VKORC1L1: variants seen among roughly 807,000 people sequenced by gnomAD.
The protein encoded by VKORC1L1 is vitamin K epoxide reductase complex subunit 1L1, also known as vitamin K epoxide reductase complex subunit 1-like protein 1.
Under a neutral mutation model 18.9 loss-of-function variants are expected in VKORC1L1, and 2 were observed. The ratio of observed to expected loss-of-function variants is 0.11; its 90% CI spans 0.04 to 0.33. The LOEUF is 0.33. Ranked by LOEUF, VKORC1L1 falls within the 10% of genes least tolerant of loss-of-function variation. The probability of loss-of-function intolerance (pLI) is 1.00; values close to 1 mark genes in which losing one functional copy is unlikely to be tolerated. For missense variants in VKORC1L1, 123 were observed against 224.1 expected (o/e 0.55, Z 2.88); for synonymous variants, 96 against 100.0 (o/e 0.96, Z 0.24).
At chr7:65,951,481 G>A (rs1175108144) in intron 2 of VKORC1L1, among the ~76,000 whole-genome samples, 1 of 151,942 alleles carries the variant, frequency 6.6e-6, no homozygotes, top group African/African-American at 2.4e-5. Context: ...GGCTGAGGCA[G>A]GAGAATTGTT....
intron 1 of VKORC1L1, among the ~76,000 whole-genome samples, chr7:65,909,644 A>G (rs1789466702): frequency 1.3e-5 from 2 of 150,436 alleles, no homozygotes; most frequent in African/African-American, 2.5e-5. Context: ...TTTGGTGATC[A>G]TCTGTCGAAA....
At chr7:65,927,609 A>T (rs1039806253) in intron 1 of VKORC1L1, among the ~76,000 whole-genome samples, 2 of 152,172 alleles carry the variant, frequency 1.3e-5, no homozygotes, top group Non-Finnish European at 2.9e-5. Flanking sequence ...CAAGCCATTT[A>T]TCCCCTCGTG....
chr7:65,880,573 G>A (rs1168829892), intron 1 of VKORC1L1, among the ~76,000 whole-genome samples: 1 of 152,168 alleles, frequency 6.6e-6, no homozygotes, highest in African/African-American at 2.4e-5. Context: ...TCGGAGGGAG[G>A]CCTTGTCGTG....
intron 1 of VKORC1L1, among the ~76,000 whole-genome samples, chr7:65,875,991 GA>G (rs1247245711): frequency 3.9e-5 from 6 of 152,174 alleles, no homozygotes; most frequent in Admixed American, 3.9e-4. Flanking sequence ...ATTAATGAGA[GA>G]ATCTTGAGAG....
At chr7:65,949,836 A>G (rs112694050) in intron 2 of VKORC1L1, among the ~76,000 whole-genome samples, 192 of 152,286 alleles carry the variant, frequency 1.3e-3, no homozygotes, top group African/African-American at 4.5e-3. Context: ...CGTTTATCCT[A>G]AGTGTTATTG....
chr7:65,955,799 T>G lies in VKORC1L1; in HGVS notation c.*1499T>G, dbSNP rs1790286298. 6.6e-6 allele frequency: 1 copy of G among 152,214 alleles called. No homozygotes were observed. Among genetic ancestry groups the G allele is most frequent in the Admixed American group, 6.5e-5 (1 of 15,270 alleles). 9.4% of individuals were successfully genotyped at this position (152,214 alleles called of 1,614,324 possible). On this transcript the variant is annotated 3_prime_UTR_variant, in exon 3 of 3. Coordinates refer to ENST00000360768, the MANE Select transcript of VKORC1L1 (RefSeq NM_173517.6). ...GTAATGTTTTTGCTTCCAACCTGAT[T>G]AATCATTTTATGTTGAAAATAGTCA...
At chr7:65,948,566 C>T (rs62470923) in intron 1 of VKORC1L1, 105 bp from the exon 2 acceptor site, 18,640 of 423,916 alleles carry the variant, frequency 0.044, 576 homozygotes, top group East Asian at 0.11. Context: ...TAAGACATTT[C>T]ACAACTTAGT....
At chr7:65,898,591 C>T (rs1470652607) in intron 1 of VKORC1L1, among the ~76,000 whole-genome samples, 1 of 152,176 alleles carries the variant, frequency 6.6e-6, no homozygotes, top group Non-Finnish European at 1.5e-5. Context: ...GATATGCTAA[C>T]ACTGGCTGTC....
At chr7:65,909,134 G>A (rs1215297577) in intron 1 of VKORC1L1, among the ~76,000 whole-genome samples, 7 of 121,848 alleles carry the variant, frequency 5.7e-5, no homozygotes, top group Non-Finnish European at 8.8e-5. Flanking sequence ...GAGCCACCAC[G>A]CCCAGCCTAA....
At chr7:65,887,033 T>A (rs1268047798) in intron 1 of VKORC1L1, among the ~76,000 whole-genome samples, 2 of 150,646 alleles carry the variant, frequency 1.3e-5, no homozygotes, top group Non-Finnish European at 3.0e-5. Flanking sequence ...ATGTTTTTAG[T>A]AGAGATGAGG....
At chr7:65,952,321 C>T (rs1790224607) in intron 2 of VKORC1L1, among the ~76,000 whole-genome samples, 1 of 152,228 alleles carries the variant, frequency 6.6e-6, no homozygotes, top group African/African-American at 2.4e-5. Context: ...AAAGCAGTCA[C>T]AGACATTACG....
intron 2 of VKORC1L1, among the ~76,000 whole-genome samples, chr7:65,950,768 A>ATT (rs1790199953): frequency 1.3e-5 from 2 of 152,250 alleles, no homozygotes; most frequent in East Asian, 3.8e-4. Context: ...TTTAGTGAAA[A>ATT]AAGCAAATTT....
intron 1 of VKORC1L1, among the ~76,000 whole-genome samples, chr7:65,926,068 C>T (rs1274190302): frequency 1.3e-5 from 2 of 151,906 alleles, no homozygotes; most frequent in South Asian, 4.1e-4. Flanking sequence ...TAATTATTCA[C>T]CTATGGTAAC....
intron 1 of VKORC1L1, among the ~76,000 whole-genome samples, chr7:65,885,375 A>G (rs1287994446): frequency 6.6e-6 from 1 of 152,080 alleles, no homozygotes; most frequent in African/African-American, 2.4e-5. Flanking sequence ...GTCTTTACAT[A>G]GAAGTGTTAA....
At chr7:65,893,194 G>A (rs1411955368) in intron 1 of VKORC1L1, among the ~76,000 whole-genome samples, 4 of 152,094 alleles carry the variant, frequency 2.6e-5, no homozygotes, top group Admixed American at 6.6e-5. Context: ...TGTTATTTAT[G>A]TTAGCATATA....
chr7:65,875,371 G>A (rs893627400), intron 1 of VKORC1L1, among the ~76,000 whole-genome samples: 2 of 152,080 alleles, frequency 1.3e-5, no homozygotes, highest in Non-Finnish European at 2.9e-5. Context: ...TTGGAAGTGT[G>A]TAGACAAAAC....
At chr7:65,875,330 CATATATGTACAT>C (rs1194715241) in intron 1 of VKORC1L1, among the ~76,000 whole-genome samples, 4 of 152,254 alleles carry the variant, frequency 2.6e-5, no homozygotes, top group African/African-American at 9.6e-5. Flanking sequence ...TATATAATCA[CATATATGTACAT>C]ATATAGACTC....
intron 1 of VKORC1L1, among the ~76,000 whole-genome samples, chr7:65,874,530 G>A (rs6950688): frequency 2.0e-5 from 3 of 151,716 alleles, no homozygotes; most frequent in African/African-American, 7.3e-5. Flanking sequence ...TTTCTTGGCC[G>A]GGCACAGTGG....
rs991482680 is a variant in VKORC1L1 at position 65,959,055 on chromosome 7, G to A, written c.*4755G>A. ...GCAATGGCTCATGCCTGTAATCCCAGCACTTTGGGAGGTAGAGGCGGGTGG... is the reference window on the plus strand; with the variant it reads ...GCAATGGCTCATGCCTGTAATCCCAACACTTTGGGAGGTAGAGGCGGGTGG... On this transcript the variant is annotated 3_prime_UTR_variant, in exon 3 of 3. Coordinates refer to ENST00000360768, the MANE Select transcript of VKORC1L1 (RefSeq NM_173517.6). 3.9e-5 allele frequency: 6 copies of A among 152,358 alleles called. No individual in the cohort carries two copies. The highest frequency in any genetic ancestry group is 3.1e-3 in the Middle Eastern group (1 of 318). The allele number at this position is 152,358 out of a possible 1,614,324, so 9.4% of individuals were successfully genotyped here. A position where few individuals can be genotyped will look rare whatever the true frequency, so the allele number is the denominator to read the frequency against.
Sources: allele counts gnomAD v4.1 joint callset (sites outside exome capture counted in the v4.1 genomes callset), GRCh38; gene constraint gnomAD v4.1.1; transcripts MANE v1.5; gene names NCBI Gene and HGNC (gene_info 2026-07-23, HGNC 2026-07-21).